The following BCAS3 variants were observed in gnomAD, a reference collection of about 807,000 sequenced individuals.
BCAS3 encodes the protein BCAS3 microtubule associated cell migration factor.
In BCAS3, 53 loss-of-function variants were observed where a neutral mutation model predicts 116.1. The observed-to-expected ratio is 0.46, with a 90% CI of 0.37 to 0.57. BCAS3 has a LOEUF of 0.57. Among genes scored for constraint, BCAS3 ranks in the 20% least tolerant of loss-of-function variants. The pLI, the probability that BCAS3 is intolerant of heterozygous loss-of-function variation, is 0.00. For missense variants in BCAS3, 917 were observed against 1,165.4 expected (o/e 0.79, Z 3.10); for synonymous variants, 391 against 408.2 (o/e 0.96, Z 0.51).
At chr17:61,202,783 T>C (rs2080915363) in intron 22 of BCAS3, among the ~76,000 whole-genome samples, 1 of 152,208 alleles carries the variant, frequency 6.6e-6, no homozygotes, top group Admixed American at 6.5e-5. Flanking sequence ...CATGTCTTGT[T>C]GTTCTCAGAT....
rs572537978 is a variant in BCAS3 at position 60,870,090 on chromosome 17, G to C, written c.584+1407G>C. Among the ~76,000 whole-genome samples, 13 of 152,096 alleles carry C rather than the reference G, an allele frequency of 8.5e-5. 1 individual carries two copies. The highest frequency in any genetic ancestry group is 8.5e-4 in the Admixed American group (13 of 15,274). Reference sequence around the variant, plus strand: ...TAGGTACTTTATTTAAAGGTTTCAGGTCCCCCACAGATAAATGTAGTCATC... The same window carrying C: ...TAGGTACTTTATTTAAAGGTTTCAGCTCCCCCACAGATAAATGTAGTCATC... On this transcript the variant is annotated intron_variant, in intron 8 of 23. Transcript: ENST00000407086.
Position 61,278,676 on chromosome 17 carries a change from A to G in BCAS3, c.2426-89651A>G, listed in dbSNP as rs2144658971. Among the ~76,000 whole-genome samples the G allele has an allele frequency of 6.6e-6, 1 of 152,368 alleles. No homozygotes were observed. Among genetic ancestry groups the G allele is most frequent in the African/African-American group, 2.4e-5 (1 of 41,590 alleles). On this transcript the variant is annotated intron_variant, in intron 22 of 23. Transcript: ENST00000407086. The surrounding 1 kb of genome is among the most constrained non-coding windows in gnomAD (Gnocchi z 5.8). ...TTCCATAAAAAGGAATGAAATTTTC[A>G]TACATACTGCAGCAAAGATCAGCCT...
At chr17:60,935,601 G>A (rs1025029168) in intron 13 of BCAS3, among the ~76,000 whole-genome samples, 1 of 152,026 alleles carries the variant, frequency 6.6e-6, no homozygotes, top group Non-Finnish European at 1.5e-5. Context: ...AATTTCCAGA[G>A]ACACTTGGTC....
rs1022329032 is a variant in BCAS3 at position 61,356,834 on chromosome 17, G to A, written c.2426-11493G>A. The A allele has an allele frequency of 1.3e-5, 2 of 152,104 alleles. No homozygotes were observed. The highest frequency in any genetic ancestry group is 2.4e-5 in the African/African-American group (1 of 41,422). The allele number at this position is 152,104 out of a possible 1,614,324, so 9.4% of individuals were successfully genotyped here. On this transcript the variant is annotated intron_variant, in intron 22 of 23. Coordinates refer to ENST00000407086, the MANE Select transcript of BCAS3 (RefSeq NM_017679.5). This position sits in a 1 kb window ranked among gnomAD's most constrained non-coding sequence, Gnocchi z 5.4. ...CCTAATATGAATTAAAAATAAATAT[G>A]CCATGTGTACACAGGGATGAGTCAA...
chr17:60,827,850 A>G (rs2050572677), intron 7 of BCAS3, among the ~76,000 whole-genome samples: 1 of 152,212 alleles, frequency 6.6e-6, no homozygotes, highest in Non-Finnish European at 1.5e-5. Context: ...GCTGTCACAT[A>G]GTTCAAAGTG....
At chr17:61,036,905 A>G (rs1218886420) in intron 17 of BCAS3, among the ~76,000 whole-genome samples, 1 of 152,152 alleles carries the variant, frequency 6.6e-6, no homozygotes, top group African/African-American at 2.4e-5. Context: ...ATGTGTGTTG[A>G]ATAGACTTTA....
chr17:60,954,551 C>T (rs1940239598), intron 14 of BCAS3, among the ~76,000 whole-genome samples: 2 of 152,114 alleles, frequency 1.3e-5, no homozygotes, highest in African/African-American at 4.8e-5. Flanking sequence ...AAGCTATCAC[C>T]ATTTAACATT....
At chr17:60,898,305 G>A (rs1329551126) in intron 10 of BCAS3, among the ~76,000 whole-genome samples, 1 of 152,036 alleles carries the variant, frequency 6.6e-6, no homozygotes, top group Admixed American at 6.6e-5. Context: ...ATTGATATTT[G>A]CACATCAGGT....
At chr17:60,719,084 CA>C (rs1204913426) in intron 5 of BCAS3, among the ~76,000 whole-genome samples, 3 of 151,790 alleles carry the variant, frequency 2.0e-5, no homozygotes, top group African/African-American at 7.3e-5. Flanking sequence ...AACAAACAAA[CA>C]AAAAAACTTA....
intron 9 of BCAS3, among the ~76,000 whole-genome samples, chr17:60,888,853 G>A (rs186333628): frequency 1.3e-5 from 2 of 152,128 alleles, no homozygotes; most frequent in East Asian, 1.9e-4. Context: ...TTTTCAAGAC[G>A]AAAATTCAAA....
In BCAS3 at chr17:61,315,717, C is replaced by T. The variant is rs111913376; in HGVS notation, c.2426-52610C>T. On this transcript the variant is annotated intron_variant, in intron 22 of 23. Coordinates refer to ENST00000407086, the MANE Select transcript of BCAS3 (RefSeq NM_017679.5). This position sits in a 1 kb window ranked among gnomAD's most constrained non-coding sequence, Gnocchi z 5.3. ...GACTGACCCCCCGTTTCATGCCCCA[C>T]GCCTTTGCTGGTACTGGTCCCTGAG... Among the ~76,000 whole-genome samples the T allele has an allele frequency of 0.058, 8,810 of 152,204 alleles. 366 individuals are homozygous for T. Among genetic ancestry groups the T allele is most frequent in the Non-Finnish European group, 0.088 (5,998 of 68,000 alleles).
At chr17:61,005,954 C>A (rs112974399) in intron 15 of BCAS3, among the ~76,000 whole-genome samples, 4,521 of 152,030 alleles carry the variant, frequency 0.03, 231 homozygotes, top group African/African-American at 0.1. Flanking sequence ...CCCTTCCCCC[C>A]ACTCCACCAC....
rs1448805108 is a variant in BCAS3, at chr17:61,306,262, A to G, written c.2426-62065A>G. ...TCTGCATCTGAGCTTTAAAGATCCC[A>G]TGAGCTATTTGTATTTCTTCATCAA... On this transcript the variant is annotated intron_variant, in intron 22 of 23. Coordinates refer to ENST00000407086, the MANE Select transcript of BCAS3 (RefSeq NM_017679.5). Among the ~76,000 whole-genome samples, 8 of 152,336 alleles carry G rather than the reference A, an allele frequency of 5.3e-5. No homozygotes were observed. In the South Asian group the frequency reaches 1.4e-3, roughly 28 times the overall value.
chr17:60,921,568 C>G (rs1041472329), intron 12 of BCAS3, among the ~76,000 whole-genome samples: 1 of 148,796 alleles, frequency 6.7e-6, no homozygotes, highest in African/African-American at 2.4e-5. Flanking sequence ...AGCCGAGATC[C>G]CGCCACTGCA....
intron 14 of BCAS3, among the ~76,000 whole-genome samples, chr17:60,972,531 C>T (rs867396198): frequency 4.0e-5 from 6 of 150,238 alleles, no homozygotes; most frequent in South Asian, 2.1e-4. Context: ...TCACTGCAGC[C>T]TTGAACTCCT....
At chr17:61,369,837 G>A (rs888997721) in intron 23 of BCAS3, among the ~76,000 whole-genome samples, 25 of 152,244 alleles carry the variant, frequency 1.6e-4, no homozygotes, top group African/African-American at 6.0e-4. Context: ...CTGGAAGGGG[G>A]CCTAAGTGAG....
Position 61,002,436 on chromosome 17 carries a change from A to G in BCAS3, c.1486+12201A>G, listed in dbSNP as rs1003594156. The G allele has an allele frequency of 2.0e-5, 3 of 151,264 alleles. No individual in the cohort carries two copies. The South Asian group carries it at 6.2e-4, about 31-fold the overall frequency. The allele number at this position is 151,264 out of a possible 1,614,324, so 9.4% of individuals were successfully genotyped here. ...GATTTCAAAATAGTTTTATTTTTAA[A>G]TGGTTAATGAGACATGCCTCTAGAG... On this transcript the variant is annotated intron_variant, in intron 15 of 23. Transcript: ENST00000407086.
intron 22 of BCAS3, among the ~76,000 whole-genome samples, chr17:61,335,880 T>A (rs1310437093): frequency 6.6e-6 from 1 of 152,258 alleles, no homozygotes; most frequent in Non-Finnish European, 1.5e-5. Flanking sequence ...GAGTCTGAGC[T>A]GGAGAGTGGG....
chr17:60,909,379 G>A (rs955641165), intron 11 of BCAS3, among the ~76,000 whole-genome samples: 1 of 151,912 alleles, frequency 6.6e-6, no homozygotes, highest in African/African-American at 2.4e-5. Flanking sequence ...TTCAAATTTA[G>A]CCATAGCATG....
Sources: gnomAD v4.1 joint callset for allele counts (sites outside exome capture counted in the v4.1 genomes callset) on GRCh38, gnomAD v4.1.1 for gene constraint, Gnocchi (gnomAD v3.1) non-coding constraint, MANE v1.5 for transcripts, NCBI Gene and HGNC (gene_info 2026-07-23, HGNC 2026-07-21) for gene names.